Variants in SLC24A2 observed in about 807,000 individuals in gnomAD.
SLC24A2 encodes the protein solute carrier family 24 member 2, also known as sodium/potassium/calcium exchanger 2.
In SLC24A2, 36 loss-of-function variants were observed where a neutral mutation model predicts 62.0. The ratio of observed to expected loss-of-function variants is 0.58; its 90% confidence interval spans 0.44 to 0.77. SLC24A2 has a LOEUF of 0.77. Among genes scored for constraint, SLC24A2 ranks in the 30% least tolerant of loss-of-function variants. SLC24A2 has a pLI of 0.00. For synonymous variants in SLC24A2, 358 were observed against 294.0 expected, an observed-to-expected ratio of 1.22 and a Z score of -2.23; for missense variants, 846 against 817.9, an observed-to-expected ratio of 1.03 and a Z score of -0.42.
the SLC24A2 span, among the ~76,000 whole-genome samples, chr9:20,274,070 T>A: frequency 6.6e-6 from 1 of 152,218 alleles, no homozygotes; most frequent in Non-Finnish European, 1.5e-5. Flanking sequence ...TCACCAGATG[T>A]GTGCTAGACA....
chr9:19,615,039 A>G (rs1245301854), intron 4 of SLC24A2, among the ~76,000 whole-genome samples: 1 of 152,200 alleles, frequency 6.6e-6, no homozygotes, highest in Non-Finnish European at 1.5e-5. Context: ...TCAACAGATA[A>G]TAAAACGCAA....
chr9:19,943,968 T>C, the SLC24A2 span, among the ~76,000 whole-genome samples: 1 of 152,128 alleles, frequency 6.6e-6, no homozygotes, highest in Non-Finnish European at 1.5e-5. Context: ...AATTTAAACA[T>C]TAGATGATTC....
At chr9:19,696,287 C>A (rs1820189933) in intron 2 of SLC24A2, among the ~76,000 whole-genome samples, 2 of 152,124 alleles carry the variant, frequency 1.3e-5, no homozygotes, top group African/African-American at 4.8e-5. Flanking sequence ...GTCCCTGGTG[C>A]CAAAAAGGTT....
At chr9:20,090,510 G>T in the SLC24A2 span, among the ~76,000 whole-genome samples, 12 of 152,222 alleles carry the variant, frequency 7.9e-5, no homozygotes, top group South Asian at 2.5e-3. Context: ...CCACGCCTGA[G>T]CAAGAGTCTA....
At chr9:20,086,085 C>T in the SLC24A2 span, among the ~76,000 whole-genome samples, 1 of 152,208 alleles carries the variant, frequency 6.6e-6, no homozygotes, top group Admixed American at 6.5e-5. Flanking sequence ...CCAGATGACA[C>T]TGTTGCTCCT....
At chr9:19,674,864 G>A (rs975259118) in intron 2 of SLC24A2, among the ~76,000 whole-genome samples, 2 of 152,072 alleles carry the variant, frequency 1.3e-5, no homozygotes, top group Admixed American at 6.6e-5. Flanking sequence ...GGCAATTTAG[G>A]GATTTCTTCT....
At chr9:20,233,006 G>C in the SLC24A2 span, among the ~76,000 whole-genome samples, 1 of 152,136 alleles carries the variant, frequency 6.6e-6, no homozygotes, top group South Asian at 2.1e-4. Flanking sequence ...TCAGGAGCAG[G>C]TTGTTCAGTT....
intron 4 of SLC24A2, among the ~76,000 whole-genome samples, chr9:19,616,484 A>G (rs1817770973): frequency 6.6e-6 from 1 of 152,214 alleles, no homozygotes; most frequent in Non-Finnish European, 1.5e-5. Flanking sequence ...TTTAATTGCT[A>G]CATAATACTG....
the SLC24A2 span, among the ~76,000 whole-genome samples, chr9:20,188,752 C>A: frequency 2.6e-5 from 4 of 151,958 alleles, no homozygotes; most frequent in Non-Finnish European, 5.9e-5. Context: ...CCTCTAGAAA[C>A]TGGAAAAAGC....
chr9:19,538,110 C>CAAT (rs1400023559), intron 8 of SLC24A2, among the ~76,000 whole-genome samples: 1 of 39,226 alleles, frequency 2.5e-5, no homozygotes, highest in Non-Finnish European at 4.6e-5. Context: ...TGGGCTGAGA[C>CAAT]GATGGGGTTT....
At chr9:19,675,762 T>C (rs1329135966) in intron 2 of SLC24A2, among the ~76,000 whole-genome samples, 1 of 152,074 alleles carries the variant, frequency 6.6e-6, no homozygotes, top group African/African-American at 2.4e-5. Context: ...GCTGGAAACC[T>C]ACCCCAGGCT....
At chr9:19,765,248 C>A (rs1822475357) in intron 2 of SLC24A2, among the ~76,000 whole-genome samples, 1 of 152,174 alleles carries the variant, frequency 6.6e-6, no homozygotes, top group South Asian at 2.1e-4. Flanking sequence ...GACTCTTTAT[C>A]CAATTTGCCA....
At chr9:19,899,537 T>C in the SLC24A2 span, among the ~76,000 whole-genome samples, 4 of 152,172 alleles carry the variant, frequency 2.6e-5, no homozygotes, top group Non-Finnish European at 5.9e-5. Context: ...TACCCTCACA[T>C]CATGAAAGCT....
At chr9:19,900,056 A>G in the SLC24A2 span, among the ~76,000 whole-genome samples, 1 of 152,142 alleles carries the variant, frequency 6.6e-6, no homozygotes, top group Non-Finnish European at 1.5e-5. Flanking sequence ...ATTGCTAATC[A>G]TGTAGTTCAT....
intron 8 of SLC24A2, among the ~76,000 whole-genome samples, chr9:19,535,775 G>GT (rs1833934873): frequency 6.6e-6 from 1 of 152,174 alleles, no homozygotes; most frequent in African/African-American, 2.4e-5. Flanking sequence ...GAGTCAGGTA[G>GT]TGTGATGCCT....
chr9:20,140,609 C>T, the SLC24A2 span, among the ~76,000 whole-genome samples: 8 of 152,246 alleles, frequency 5.3e-5, no homozygotes, highest in East Asian at 7.7e-4. Flanking sequence ...AAACCCTGAC[C>T]TCAGAATTTC....
At chr9:19,932,659 A>G in the SLC24A2 span, among the ~76,000 whole-genome samples, 2 of 152,224 alleles carry the variant, frequency 1.3e-5, no homozygotes, top group African/African-American at 4.8e-5. Flanking sequence ...TCTGACTTCT[A>G]GTCTGGTGCT....
the SLC24A2 span, among the ~76,000 whole-genome samples, chr9:19,897,654 T>C: frequency 6.6e-6 from 1 of 152,346 alleles, no homozygotes; most frequent in African/African-American, 2.4e-5. Context: ...GTTCTAATAT[T>C]CGGGTCTATT....
the SLC24A2 span, among the ~76,000 whole-genome samples, chr9:20,265,347 G>A: frequency 2.0e-5 from 3 of 152,154 alleles, no homozygotes; most frequent in South Asian, 2.1e-4. Context: ...GACCCCAAAC[G>A]GAGGGACCAG....
Sources: allele counts gnomAD v4.1 joint callset (sites outside exome capture counted in the v4.1 genomes callset), GRCh38; gene constraint gnomAD v4.1.1; transcripts MANE v1.5; gene names NCBI Gene and HGNC (gene_info 2026-07-23, HGNC 2026-07-21).